Variants in PIP4K2A observed in about 807,000 individuals in gnomAD.
PIP4K2A encodes phosphatidylinositol 5-phosphate 4-kinase type-2 alpha.
A neutral mutation model predicts 42.9 loss-of-function variants in PIP4K2A; 14 were observed. That is an observed-to-expected ratio of 0.33 (90% CI 0.22 to 0.51). The LOEUF is 0.51. Among genes scored for constraint, PIP4K2A ranks in the 20% least tolerant of loss-of-function variants. The pLI is 0.97. For synonymous variants in PIP4K2A, 192 were observed against 192.2 expected (o/e 1.00, Z 0.01); for missense variants, 434 against 519.8 (o/e 0.83, Z 1.61).
intron 4 of PIP4K2A, among the ~76,000 whole-genome samples, chr10:22,586,998 C>A (rs564527007): frequency 1.3e-5 from 2 of 152,300 alleles, no homozygotes; most frequent in African/African-American, 4.8e-5. Context: ...TGGCCAGGGG[C>A]ATGGCTGGGA....
intron 6 of PIP4K2A, among the ~76,000 whole-genome samples, chr10:22,563,779 A>G (rs2130782337): frequency 6.6e-6 from 1 of 152,332 alleles, no homozygotes; most frequent in East Asian, 1.9e-4. Context: ...AAGCAACTTC[A>G]TCCACTCAAA....
chr10:22,690,714 C>T (rs1157830384), intron 1 of PIP4K2A, among the ~76,000 whole-genome samples: 1 of 152,164 alleles, frequency 6.6e-6, no homozygotes, highest in East Asian at 1.9e-4. Flanking sequence ...AAGAAATAAC[C>T]GTTTTACAGA....
chr10:22,587,062 C>G (rs535751800), intron 4 of PIP4K2A, among the ~76,000 whole-genome samples: 151 of 152,262 alleles, frequency 9.9e-4, no homozygotes, highest in African/African-American at 3.4e-3. Context: ...CCTGCCATCC[C>G]AGATTGCTGG....
intron 1 of PIP4K2A, among the ~76,000 whole-genome samples, chr10:22,672,525 AAT>A (rs1399944285): frequency 6.6e-6 from 1 of 152,230 alleles, no homozygotes; most frequent in Admixed American, 6.5e-5. Context: ...TGTACTTGTG[AAT>A]ATATACAGGG....
At chr10:22,578,817 G>T (rs1298721999) in intron 4 of PIP4K2A, among the ~76,000 whole-genome samples, 1 of 152,158 alleles carries the variant, frequency 6.6e-6, no homozygotes, top group African/African-American at 2.4e-5. Context: ...GACCTCATGT[G>T]TAAAAACCAT....
rs760266255 is a variant in PIP4K2A at position 22,541,855 on chromosome 10, G to A, written c.985C>T (p.Pro329Ser). Reference protein sequence around the residue: ...NTLNSSPPLAPGEFDPNIDVY... With the variant: ...NTLNSSPPLASGEFDPNIDVY... The stretch of plus-strand genomic sequence containing the variant: ...TCGATGTTCGGATCGAACTCCCCGG[G>A]AGCCAGGGGTGGTGAGCTGTTCAGT... The change falls in exon 8 of 10, where the codon CCC becomes TCC. Residue 329 changes from proline to serine, a missense_variant. By Grantham distance (74) the Pro-to-Ser change is moderately conservative. Around this residue, in one of 2 missense-constraint regions of PIP4K2A, gnomAD observed 395 missense variants for 444.5 expected, o/e 0.89. Transcript: ENST00000376573. 1 of 1,600,740 alleles carries A rather than the reference G, an allele frequency of 6.2e-7. No homozygotes were observed. The highest frequency in any genetic ancestry group is 2.2e-5 in the East Asian group (1 of 44,792).
intron 1 of PIP4K2A, among the ~76,000 whole-genome samples, chr10:22,630,004 G>A (rs1203540159): frequency 6.6e-6 from 1 of 152,114 alleles, no homozygotes; most frequent in Admixed American, 6.5e-5. Flanking sequence ...GCTACAAGAT[G>A]CTCTCTGTAT....
At chr10:22,629,814 T>C (rs1269875788) in intron 1 of PIP4K2A, among the ~76,000 whole-genome samples, 1 of 152,198 alleles carries the variant, frequency 6.6e-6, no homozygotes, top group South Asian at 2.1e-4. Flanking sequence ...CACATGTAGA[T>C]ACATGATACA....
chr10:22,610,307 T>C (rs182179484), intron 1 of PIP4K2A, among the ~76,000 whole-genome samples: 1 of 152,168 alleles, frequency 6.6e-6, no homozygotes, highest in Non-Finnish European at 1.5e-5. Flanking sequence ...GGGTTGGACA[T>C]GAGTCAAGAA....
At chr10:22,654,185 G>A (rs533735094) in intron 1 of PIP4K2A, among the ~76,000 whole-genome samples, 13 of 152,128 alleles carry the variant, frequency 8.5e-5, no homozygotes, top group East Asian at 1.9e-4. Flanking sequence ...ACATGTTTCC[G>A]TAAATTTTTC....
At chr10:22,607,758 A>G (rs1028329625) in intron 3 of PIP4K2A, 169 bp downstream of exon 3, 5 of 517,948 alleles carry the variant, frequency 9.7e-6, no homozygotes, top group Non-Finnish European at 1.7e-5. Context: ...GAGGTCCCCA[A>G]TCAAGAGAAC....
rs138469120 is a variant in PIP4K2A at position 22,695,613 on chromosome 10, T to A, written c.144+18570A>T. ...GTCATTTCTGCCTCACTGAATTCAATATACAGTCTTCCCTTGGTATCTTTG... is the reference window on the plus strand; with the variant it reads ...GTCATTTCTGCCTCACTGAATTCAAAATACAGTCTTCCCTTGGTATCTTTG... On this transcript the variant is annotated intron_variant, in intron 1 of 9. Transcript: ENST00000376573. 2.2e-3 allele frequency among the ~76,000 whole-genome samples: 332 copies of A among 152,292 alleles called. 2 individuals are homozygous for A. Among genetic ancestry groups the A allele is most frequent in the African/African-American group, 7.3e-3 (303 of 41,564 alleles).
chr10:22,541,219 G>C (rs1292410735), intron 8 of PIP4K2A, among the ~76,000 whole-genome samples: 1 of 152,206 alleles, frequency 6.6e-6, no homozygotes, highest in African/African-American at 2.4e-5. Context: ...GAGGACAGCA[G>C]AGCCAGACTC....
intron 1 of PIP4K2A, among the ~76,000 whole-genome samples, chr10:22,669,017 T>C (rs1361505612): frequency 2.6e-5 from 4 of 152,198 alleles, no homozygotes; most frequent in Admixed American, 2.6e-4. Flanking sequence ...TAGTTGATAA[T>C]TTGAACATGT....
intron 4 of PIP4K2A, among the ~76,000 whole-genome samples, chr10:22,589,988 G>A (rs1311986882): frequency 6.6e-6 from 1 of 152,146 alleles, no homozygotes; most frequent in Non-Finnish European, 1.5e-5. Flanking sequence ...TGGGACCTTT[G>A]AGAGCTAATT....
chr10:22,538,245 C>T (rs533942159), intron 9 of PIP4K2A, among the ~76,000 whole-genome samples: 1 of 152,258 alleles, frequency 6.6e-6, no homozygotes, highest in African/African-American at 2.4e-5. Flanking sequence ...CCTTTGCTGA[C>T]AGTAATGTTT....
chr10:22,591,878 T>G, intron 3 of PIP4K2A, 97 bp from the exon 4 acceptor site: 1 of 1,108,094 alleles, frequency 9.0e-7, no homozygotes. Context: ...TCATTGCAAG[T>G]TTTCAAAAAC....
intron 6 of PIP4K2A, among the ~76,000 whole-genome samples, chr10:22,561,041 C>T (rs1377510871): frequency 6.6e-6 from 1 of 152,202 alleles, no homozygotes; most frequent in Non-Finnish European, 1.5e-5. Flanking sequence ...GGAATTGCAG[C>T]GCAGCTGTGA....
intron 6 of PIP4K2A, among the ~76,000 whole-genome samples, chr10:22,558,814 G>A (rs1422444249): frequency 2.6e-5 from 4 of 152,210 alleles, no homozygotes; most frequent in Admixed American, 6.5e-5. Context: ...GTGAAACAGT[G>A]CTGTAAGTAA....
Sources: gnomAD v4.1 joint callset for allele counts (sites outside exome capture counted in the v4.1 genomes callset) on GRCh38, gnomAD v4.1.1 for gene constraint, gnomAD v4.1.1 regional missense constraint, MANE v1.5 for transcripts, NCBI Gene and HGNC (gene_info 2026-07-23, HGNC 2026-07-21) for gene names.